Variants in RPL39L observed in about 807,000 individuals in gnomAD.
RPL39L encodes ribosomal protein eL39-like 2.
For missense variants in RPL39L, 48 were observed against 58.9 expected (o/e 0.81, Z 0.61); for synonymous variants, 16 against 20.1 (o/e 0.80, Z 0.55).
intron 2 of RPL39L, among the ~76,000 whole-genome samples, chr3:187,125,145 A>G (rs965877020): frequency 6.6e-6 from 1 of 152,208 alleles, no homozygotes; most frequent in Non-Finnish European, 1.5e-5. Flanking sequence ...CGATATGTCT[A>G]TAAGGAAGTG....
intron 2 of RPL39L, among the ~76,000 whole-genome samples, chr3:187,127,627 G>C (rs999267026): frequency 5.3e-5 from 8 of 152,142 alleles, no homozygotes; most frequent in Non-Finnish European, 8.8e-5. Flanking sequence ...CAATCATACA[G>C]TTCAAATGCC....
intron 1 of RPL39L, among the ~76,000 whole-genome samples, chr3:187,134,496 A>AAAAAAAAAAAAG (rs1362750015): frequency 6.6e-6 from 1 of 150,782 alleles, no homozygotes; most frequent in East Asian, 2.0e-4. Flanking sequence ...AAAAAAAAAA[A>AAAAAAAAAAAAG]AAAAAAGAAG....
At chr3:187,127,410 A>C (rs779563317) in intron 2 of RPL39L, among the ~76,000 whole-genome samples, 7 of 152,246 alleles carry the variant, frequency 4.6e-5, no homozygotes, top group Non-Finnish European at 1.0e-4. Flanking sequence ...TGAAAAAAGG[A>C]ATTTTAGTAT....
At chr3:187,123,376 G>A (rs966287305) in intron 2 of RPL39L, among the ~76,000 whole-genome samples, 1 of 152,192 alleles carries the variant, frequency 6.6e-6, no homozygotes, top group African/African-American at 2.4e-5. Flanking sequence ...TGCCAAATGG[G>A]TGATAAAGAT....
intron 1 of RPL39L, among the ~76,000 whole-genome samples, chr3:187,137,781 T>C (rs1341282616): frequency 6.7e-6 from 1 of 150,302 alleles, no homozygotes; most frequent in African/African-American, 2.5e-5. Flanking sequence ...TGAGCCAGGA[T>C]TGCGCCACTG....
intron 2 of RPL39L, among the ~76,000 whole-genome samples, chr3:187,123,443 C>T (rs917125030): frequency 6.6e-6 from 1 of 152,214 alleles, no homozygotes; most frequent in Non-Finnish European, 1.5e-5. Context: ...CATACATTAG[C>T]AGCAAAGAAC....
intron 1 of RPL39L, among the ~76,000 whole-genome samples, chr3:187,129,843 CTTT>C (rs59449021): frequency 0.28 from 39,586 of 143,176 alleles, 6,358 homozygotes; most frequent in African/African-American, 0.45. Flanking sequence ...CCCCTCCACC[CTTT>C]TTTTTTTTTT....
chr3:187,121,223 C>A lies in RPL39L; in HGVS notation c.78G>T (p.Trp26Cys), dbSNP rs1720302732. 1 of 1,613,920 alleles carries A rather than the reference C, an allele frequency of 6.2e-7. No homozygotes were observed. The highest frequency in any genetic ancestry group is 8.5e-7 in the Non-Finnish European group (1 of 1,179,854). Residue 26 changes from tryptophan to cysteine, a missense_variant, in exon 3 of 3, where the codon TGG (tryptophan) becomes TGT (cysteine). Coordinates refer to ENST00000296277, the MANE Select transcript of RPL39L (RefSeq NM_052969.3). ...KQKQNRPIPQ[W>C]IQMKPGSKIR... ...TTTTACTACCAGGTTTCATCTGAATCCACTGGGGGATGGGACGATTTTGCT... is the reference window on the plus strand; with the variant it reads ...TTTTACTACCAGGTTTCATCTGAATACACTGGGGGATGGGACGATTTTGCT...
In RPL39L at chr3:187,121,265, G is replaced by T. The variant is rs566048893; in HGVS notation, c.36C>A (p.Phe12Leu). ...GATTTTGCTTTTGTTTCTTGGCCAG[G>T]AATCGCTTAATGGTGAAAGTCTTGT... Reference protein sequence around the residue: ...SSHKTFTIKRFLAKKQKQNRP... With the variant: ...SSHKTFTIKRLLAKKQKQNRP... Residue 12 changes from phenylalanine to leucine, a missense_variant, in exon 3 of 3, where the codon TTC becomes TTA. By Grantham distance (22) the Phe-to-Leu change is conservative. Transcript: ENST00000296277. The T allele has an allele frequency of 6.2e-7, 1 of 1,613,982 alleles. No individual in the cohort carries two copies. Among genetic ancestry groups the T allele is most frequent in the Non-Finnish European group, 8.5e-7 (1 of 1,179,906 alleles).
chr3:187,131,277 G>T, intron 1 of RPL39L, among the ~76,000 whole-genome samples: 1 of 151,998 alleles, frequency 6.6e-6, no homozygotes, highest in East Asian at 1.9e-4. Context: ...CATTTTGGGA[G>T]GCTGAGGCAG....
chr3:187,129,695 A>G (rs1300428046), intron 1 of RPL39L, among the ~76,000 whole-genome samples: 2 of 152,224 alleles, frequency 1.3e-5, no homozygotes, highest in African/African-American at 4.8e-5. Flanking sequence ...ATGTCTACAA[A>G]TTGTACTGGA....
At chr3:187,123,682 G>T (rs184312286) in intron 2 of RPL39L, among the ~76,000 whole-genome samples, 1 of 152,222 alleles carries the variant, frequency 6.6e-6, no homozygotes, top group Non-Finnish European at 1.5e-5. Flanking sequence ...GGGAACCCTG[G>T]TTGTACTGGT....
rs1357309341 is a variant in RPL39L, at chr3:187,139,416, C to T, written c.-296G>A. The T allele has an allele frequency of 6.6e-6, 1 of 152,168 alleles. No individual in the cohort carries two copies. Among genetic ancestry groups the T allele is most frequent in the Non-Finnish European group, 1.5e-5 (1 of 68,054 alleles). The allele number at this position is 152,168 out of a possible 1,614,324, so 9.4% of individuals were successfully genotyped here. On this transcript the variant is annotated 5_prime_UTR_variant, in exon 1 of 3. Coordinates refer to ENST00000296277, the MANE Select transcript of RPL39L (RefSeq NM_052969.3). ...TGGTGTCTCTGAGACTCCGAGACGC[C>T]TCGCCCCCACCTGGCGTTCGGAGGC...
At position 187,136,060 on chromosome 3, in the gene RPL39L, C is replaced by G. The variant is rs139175271; in HGVS notation, c.-93+3153G>C. Among the ~76,000 whole-genome samples the G allele has an allele frequency of 3.3e-5, 5 of 152,342 alleles. No homozygotes were observed. In the East Asian group the frequency reaches 9.6e-4, roughly 29 times the overall value. On this transcript the variant is annotated intron_variant, in intron 1 of 2. Transcript: ENST00000296277. ...ATGTAAAGCTAACATCTTCCCTCAT[C>G]ACACTGCTTTTGAGAGCCATTCAAA...
chr3:187,137,631 T>C (rs1032737628), intron 1 of RPL39L, among the ~76,000 whole-genome samples: 1 of 152,066 alleles, frequency 6.6e-6, no homozygotes, highest in Non-Finnish European at 1.5e-5. Context: ...TGGCCAACCA[T>C]GGCCAACATG....
chr3:187,123,354 T>C (rs1224135026), intron 2 of RPL39L, among the ~76,000 whole-genome samples: 1 of 152,208 alleles, frequency 6.6e-6, no homozygotes, highest in Non-Finnish European at 1.5e-5. Context: ...GAATAACAAA[T>C]AGGCCTGAAA....
chr3:187,137,224 A>AAAAT (rs1720595748), intron 1 of RPL39L, among the ~76,000 whole-genome samples: 2 of 142,948 alleles, frequency 1.4e-5, no homozygotes, highest in African/African-American at 2.8e-5. Flanking sequence ...AAAAAAAAAA[A>AAAAT]GTGTCAGGTG....
At chr3:187,123,138 C>T (rs888297410) in intron 2 of RPL39L, among the ~76,000 whole-genome samples, 1 of 152,156 alleles carries the variant, frequency 6.6e-6, no homozygotes, top group Non-Finnish European at 1.5e-5. Context: ...AGACAACTGC[C>T]CTAGTGGGGA....
chr3:187,137,482 C>G (rs1720600189), intron 1 of RPL39L, among the ~76,000 whole-genome samples: 1 of 152,118 alleles, frequency 6.6e-6, no homozygotes, highest in African/African-American at 2.4e-5. Context: ...TGCACTCCAG[C>G]CTGGGCAACA....
Sources: allele counts gnomAD v4.1 joint callset (sites outside exome capture counted in the v4.1 genomes callset), GRCh38; gene constraint gnomAD v4.1.1; transcripts MANE v1.5; gene names NCBI Gene and HGNC (gene_info 2026-07-23, HGNC 2026-07-21).